LRSAM1: variants seen among roughly 807,000 people sequenced by gnomAD.
LRSAM1 encodes leucine rich repeat and sterile alpha motif containing 1.
A neutral mutation model predicts 118.1 loss-of-function variants in LRSAM1; 96 were observed. The ratio of observed to expected loss-of-function variants is 0.81; its 90% CI spans 0.69 to 0.96. The LOEUF (loss-of-function observed/expected upper bound fraction) is 0.96, where lower values mean the gene tolerates loss of function less well. LRSAM1 is among the 40% of genes least tolerant of loss of function. The pLI is 0.00. For missense variants in LRSAM1, 804 were observed against 915.5 expected (o/e 0.88, Z 1.57); for synonymous variants, 322 against 364.2 (o/e 0.88, Z 1.32).
intron 17 of LRSAM1, among the ~76,000 whole-genome samples, chr9:127,487,264 G>A (rs1835766361): frequency 6.6e-6 from 1 of 152,094 alleles, no homozygotes; most frequent in Admixed American, 6.6e-5. Flanking sequence ...CCAAGTCAAG[G>A]GCTGCTCCTT....
Position 127,479,926 on chromosome 9 carries a change from A to C in LRSAM1, c.991A>C (p.Thr331Pro). Reference protein sequence around the residue: ...RQRLQEQLKQTEQNISSRIQK... With the variant: ...RQRLQEQLKQPEQNISSRIQK... ...GCGGCTGCAGGAGCAGCTGAAGCAGACGGAACAGAACATTTCCAGCCGGAT... is the reference window on the plus strand; with the variant it reads ...GCGGCTGCAGGAGCAGCTGAAGCAGCCGGAACAGAACATTTCCAGCCGGAT... Residue 331 changes from threonine to proline, a missense_variant, in exon 14 of 26, where the codon ACG (threonine) becomes CCG (proline). By Grantham distance (38) the Thr-to-Pro change is conservative. Transcript: ENST00000300417. 1 of 1,614,156 alleles carries C rather than the reference A, an allele frequency of 6.2e-7. No individual in the cohort carries two copies. Among genetic ancestry groups the C allele is most frequent in the Non-Finnish European group, 8.5e-7 (1 of 1,180,036 alleles).
At chr9:127,470,687 A>G (rs1588111482) in intron 10 of LRSAM1, among the ~76,000 whole-genome samples, 1 of 152,252 alleles carries the variant, frequency 6.6e-6, no homozygotes, top group Admixed American at 6.5e-5. Flanking sequence ...GCAAGTGGAA[A>G]GAATGAGCCA....
intron 24 of LRSAM1, among the ~76,000 whole-genome samples, chr9:127,498,818 GGAGGCT>G (rs1836255532): frequency 6.6e-6 from 1 of 152,104 alleles, no homozygotes; most frequent in Non-Finnish European, 1.5e-5. Flanking sequence ...CAGCACTTTG[GGAGGCT>G]GAGGTGGGCG....
At chr9:127,499,541 T>A (rs60202040) in intron 24 of LRSAM1, among the ~76,000 whole-genome samples, 67,654 of 148,832 alleles carry the variant, frequency 0.45, 16,093 homozygotes, top group Non-Finnish European at 0.53. Flanking sequence ...AAAAAAAATA[T>A]ATATATATAT....
At position 127,455,067 on chromosome 9, in the gene LRSAM1, T is replaced by G; in HGVS notation, c.129+13T>G. On this transcript the variant is annotated intron_variant, in intron 4 of 25. Transcript: ENST00000300417. ...TGAGCTCTCAGAGGTAAACTGAGGATAGTGTTGGGCTGTGAATTGGATCTG... is the reference window on the plus strand; with the variant it reads ...TGAGCTCTCAGAGGTAAACTGAGGAGAGTGTTGGGCTGTGAATTGGATCTG... 1 of 1,613,212 alleles carries G rather than the reference T, an allele frequency of 6.2e-7. No individual in the cohort carries two copies. The highest frequency in any genetic ancestry group is 8.5e-7 in the Non-Finnish European group (1 of 1,179,164).
At chr9:127,466,966 C>T (rs1368293359) in intron 9 of LRSAM1, among the ~76,000 whole-genome samples, 2 of 152,078 alleles carry the variant, frequency 1.3e-5, no homozygotes, top group Non-Finnish European at 2.9e-5. Flanking sequence ...CACTGCACTC[C>T]AGTCTGGGCA....
intron 19 of LRSAM1, among the ~76,000 whole-genome samples, chr9:127,490,227 G>A (rs1307340626): frequency 6.7e-6 from 1 of 148,350 alleles, no homozygotes; most frequent in Admixed American, 6.9e-5. Context: ...ATTTTTGCAT[G>A]GTTTTTTTCT....
At chr9:127,452,735 C>T (rs932779190) in intron 2 of LRSAM1, among the ~76,000 whole-genome samples, 13 of 152,182 alleles carry the variant, frequency 8.5e-5, no homozygotes, top group African/African-American at 2.9e-4. Flanking sequence ...ACCAAGGTGA[C>T]CTCTGCAGTT....
rs1472578658 is a variant in LRSAM1, at chr9:127,492,808, A to G, written c.1510A>G (p.Ile504Val). 1 of 1,613,706 alleles carries G rather than the reference A, an allele frequency of 6.2e-7. No homozygotes were observed. The highest frequency in any genetic ancestry group is 8.5e-7 in the Non-Finnish European group (1 of 1,179,998). The part of the protein sequence containing the change: ...SLDTESLQEM[I>V]SEQRWALSSL... Reference sequence around the variant, plus strand: ...GGTGTGGTCTTGTTCGCAGGAGATGATCTCGGAGCAGCGCTGGGCCCTCAG... The same window carrying G: ...GGTGTGGTCTTGTTCGCAGGAGATGGTCTCGGAGCAGCGCTGGGCCCTCAG... The change falls in exon 21 of 26, where the codon ATC becomes GTC. Residue 504 changes from isoleucine to valine, a missense_variant. Ile to Val is a conservative substitution (Grantham distance 29). Transcript: ENST00000300417.
rs762787803 is a variant in LRSAM1 at position 127,495,938 on chromosome 9, T to C, written c.1699-26T>C. The C allele has an allele frequency of 3.7e-6, 6 of 1,611,278 alleles. No individual in the cohort carries two copies. The East Asian group carries it at 1.1e-4, about 30-fold the overall frequency. On this transcript the variant is annotated intron_variant, in intron 22 of 25. Coordinates refer to ENST00000300417, the MANE Select transcript of LRSAM1 (RefSeq NM_001005373.4). ...AGTGGGTTCTTTTCTTCCTTCCTGC[T>C]CATGGTACACGTTTCTGTCTTGCAG...
intron 19 of LRSAM1, among the ~76,000 whole-genome samples, chr9:127,490,780 T>A (rs1382754124): frequency 1.3e-5 from 2 of 152,158 alleles, no homozygotes; most frequent in Non-Finnish European, 2.9e-5. Flanking sequence ...CCACTGTTAC[T>A]CAGTCACTTC....
At chr9:127,500,970 G>T (rs777258533) in intron 24 of LRSAM1, 40 bp from the exon 25 acceptor site, 1 of 1,613,392 alleles carries the variant, frequency 6.2e-7, no homozygotes. Context: ...AGGGTCAGCG[G>T]AGATGACCCT....
chr9:127,500,797 G>C (rs1334056843), intron 24 of LRSAM1, among the ~76,000 whole-genome samples: 1 of 152,216 alleles, frequency 6.6e-6, no homozygotes, highest in Non-Finnish European at 1.5e-5. Context: ...TGCAGAGAGA[G>C]ACTTCACTCC....
At chr9:127,488,248 A>C (rs1289851459) in intron 18 of LRSAM1, among the ~76,000 whole-genome samples, 1 of 151,618 alleles carries the variant, frequency 6.6e-6, no homozygotes, top group Non-Finnish European at 1.5e-5. Context: ...TGTCCATATT[A>C]CTCTGTTTAG....
chr9:127,497,181 G>C, intron 23 of LRSAM1, 72 bp from the exon 24 acceptor site: 2 of 1,493,502 alleles, frequency 1.3e-6, no homozygotes, highest in East Asian at 4.5e-5. Context: ...GCCTGGGCCT[G>C]TGCCACGTGG....
rs1749601712 is a variant in LRSAM1 at position 127,467,816 on chromosome 9, A to G, written c.605A>G (p.Gln202Arg). Residue 202 changes from glutamine (Q) to arginine (R), a missense_variant, in exon 10 of 26, where the codon CAG (glutamine) becomes CGG (arginine). By Grantham distance (43) the Gln-to-Arg change is conservative. Coordinates refer to ENST00000300417, the MANE Select transcript of LRSAM1 (RefSeq NM_001005373.4). Reference protein sequence around the residue: ...VCGAGTAAILQFLCKESGLEY... With the variant: ...VCGAGTAAILRFLCKESGLEY... ...GGTGCCGGCACTGCGGCCATCTTGCAGTTCCTCTGCAAAGGTAAAGCCAGG... is the reference window on the plus strand; with the variant it reads ...GGTGCCGGCACTGCGGCCATCTTGCGGTTCCTCTGCAAAGGTAAAGCCAGG... 6.2e-7 allele frequency: 1 copy of G among 1,600,974 alleles called. No individual in the cohort carries two copies. Among genetic ancestry groups the G allele is most frequent in the South Asian group, 1.1e-5 (1 of 88,816 alleles).
intron 9 of LRSAM1, among the ~76,000 whole-genome samples, chr9:127,463,990 T>G (rs1834842329): frequency 6.6e-6 from 1 of 152,220 alleles, no homozygotes. Flanking sequence ...AACCAGGCCG[T>G]CTGAAGCTGA....
At chr9:127,475,833 C>T (rs551775913) in intron 11 of LRSAM1, among the ~76,000 whole-genome samples, 18 of 152,152 alleles carry the variant, frequency 1.2e-4, no homozygotes, top group Non-Finnish European at 2.1e-4. Context: ...CTCCATCTCC[C>T]GGGTTCAAGT....
intron 21 of LRSAM1, among the ~76,000 whole-genome samples, chr9:127,494,560 C>T (rs770789095): frequency 2.0e-5 from 3 of 152,206 alleles, no homozygotes; most frequent in East Asian, 1.9e-4. Context: ...CTGTTGTCAC[C>T]GTGGCTGTTA....
Sources: gnomAD v4.1 joint callset for allele counts (sites outside exome capture counted in the v4.1 genomes callset) on GRCh38, gnomAD v4.1.1 for gene constraint, MANE v1.5 for transcripts, NCBI Gene and HGNC (gene_info 2026-07-23, HGNC 2026-07-21) for gene names.